Variants in RPS6KC1 observed in about 807,000 individuals in gnomAD.
RPS6KC1 encodes the protein ribosomal protein S6 kinase C1.
In RPS6KC1, 54 loss-of-function variants were observed where a neutral mutation model predicts 103.8. The observed-to-expected ratio is 0.52, with a 90% confidence interval of 0.42 to 0.65. The LOEUF is 0.65. Among genes scored for constraint, RPS6KC1 ranks in the 30% least tolerant of loss-of-function variants. The probability of loss-of-function intolerance (pLI) is 0.00; values close to 1 mark genes in which losing one functional copy is unlikely to be tolerated. For missense variants in RPS6KC1, 1,151 were observed against 1,253.8 expected (o/e 0.92, Z 1.24); for synonymous variants, 439 against 438.7 (o/e 1.00, Z -0.01).
At chr1:213,334,648 G>C in the RPS6KC1 span, among the ~76,000 whole-genome samples, 1 of 152,164 alleles carries the variant, frequency 6.6e-6, no homozygotes, top group Admixed American at 6.5e-5. Context: ...CACATTGCAA[G>C]GGCTCCTCCC....
At chr1:213,670,241 C>T in the RPS6KC1 span, among the ~76,000 whole-genome samples, 2 of 152,152 alleles carry the variant, frequency 1.3e-5, no homozygotes, top group Admixed American at 1.3e-4. Context: ...ACAGTGGATG[C>T]TGTCCTCAGC....
chr1:213,513,589 C>A, the RPS6KC1 span, among the ~76,000 whole-genome samples: 2 of 152,196 alleles, frequency 1.3e-5, no homozygotes, highest in Non-Finnish European at 2.9e-5. Flanking sequence ...TAACCCCATT[C>A]TCAGGGATTG....
chr1:213,510,639 T>G, the RPS6KC1 span, among the ~76,000 whole-genome samples: 2 of 152,198 alleles, frequency 1.3e-5, no homozygotes, highest in Non-Finnish European at 2.9e-5. Flanking sequence ...TCTAGTTTGA[T>G]CCTGCACTCA....
At chr1:213,290,175 A>G in the RPS6KC1 span, among the ~76,000 whole-genome samples, 1 of 150,842 alleles carries the variant, frequency 6.6e-6, no homozygotes, top group African/African-American at 2.4e-5. Flanking sequence ...AAAAGAATCA[A>G]TCGGTCATGC....
the RPS6KC1 span, among the ~76,000 whole-genome samples, chr1:213,816,586 G>A: frequency 7.0e-4 from 107 of 152,064 alleles, no homozygotes; most frequent in African/African-American, 2.5e-3. Context: ...GCCGCTCGTG[G>A]GTAGATCTGT....
chr1:213,513,269 G>A, the RPS6KC1 span, among the ~76,000 whole-genome samples: 60 of 152,264 alleles, frequency 3.9e-4, no homozygotes, highest in African/African-American at 1.4e-3. Flanking sequence ...CTCCAGAAAG[G>A]AACTCAGCCC....
chr1:213,718,309 G>A, the RPS6KC1 span, among the ~76,000 whole-genome samples: 7 of 152,184 alleles, frequency 4.6e-5, no homozygotes, highest in African/African-American at 1.2e-4. Flanking sequence ...GCTGGGGCTC[G>A]CCCACCTCTT....
rs74140568 is a variant in RPS6KC1, at chr1:213,156,647, G to A, written c.836-11211G>A. On this transcript the variant is annotated intron_variant, in intron 6 of 14. Coordinates refer to ENST00000366960, the MANE Select transcript of RPS6KC1 (RefSeq NM_012424.6). The stretch of plus-strand genomic sequence containing the variant: ...AAAGATATGAATGTCATCAGATTTC[G>A]TGTTGAAAACAATGTAAGAGAGATG... Among the ~76,000 whole-genome samples, 395 of 152,238 alleles carry A rather than the reference G, an allele frequency of 2.6e-3. 3 individuals carry two copies. The highest frequency in any genetic ancestry group is 8.7e-3 in the African/African-American group (363 of 41,556).
chr1:213,266,886 A>G (rs1355474137), intron 14 of RPS6KC1, among the ~76,000 whole-genome samples: 1 of 150,120 alleles, frequency 6.7e-6, no homozygotes, highest in Non-Finnish European at 1.5e-5. Flanking sequence ...CTGGGCAACA[A>G]TATTGAGGCT....
chr1:213,550,670 C>T, the RPS6KC1 span, among the ~76,000 whole-genome samples: 2 of 152,182 alleles, frequency 1.3e-5, no homozygotes, highest in African/African-American at 4.8e-5. Flanking sequence ...TTTTGGACAG[C>T]TCGATTTGTT....
At chr1:213,645,695 T>A in the RPS6KC1 span, among the ~76,000 whole-genome samples, 2 of 152,184 alleles carry the variant, frequency 1.3e-5, no homozygotes, top group Non-Finnish European at 2.9e-5. Context: ...CTTAAAGGCT[T>A]TGATGCAAAG....
chr1:213,587,750 CA>C, the RPS6KC1 span, among the ~76,000 whole-genome samples: 2 of 152,248 alleles, frequency 1.3e-5, no homozygotes, highest in South Asian at 2.1e-4. Context: ...TGACCATTTG[CA>C]CGGGATTCGA....
chr1:213,334,028 C>A, the RPS6KC1 span, among the ~76,000 whole-genome samples: 86 of 152,250 alleles, frequency 5.6e-4, 1 homozygote, highest in Admixed American at 2.0e-3. Flanking sequence ...CAGTGGAGAA[C>A]TTCAAGAATG....
chr1:213,345,633 G>A, the RPS6KC1 span, among the ~76,000 whole-genome samples: 3 of 152,190 alleles, frequency 2.0e-5, no homozygotes, highest in Non-Finnish European at 4.4e-5. Context: ...AACTTCTAGG[G>A]AATTGTCTTT....
chr1:213,457,823 C>G, the RPS6KC1 span, among the ~76,000 whole-genome samples: 14 of 152,176 alleles, frequency 9.2e-5, no homozygotes, highest in Admixed American at 9.2e-4. Context: ...AAGACACAGT[C>G]TGAGACCCAT....
At chr1:213,243,284 A>T (rs1018926440) in intron 12 of RPS6KC1, among the ~76,000 whole-genome samples, 6 of 36,082 alleles carry the variant, frequency 1.7e-4, no homozygotes, top group Non-Finnish European at 3.7e-4. Flanking sequence ...TAATTAAAAA[A>T]ATTTTTTTTT....
intron 1 of RPS6KC1, among the ~76,000 whole-genome samples, chr1:213,055,835 T>A (rs1489802692): frequency 6.6e-6 from 1 of 152,224 alleles, no homozygotes; most frequent in Non-Finnish European, 1.5e-5. Flanking sequence ...ATCTCCTCAT[T>A]TATTTAGCTC....
chr1:213,575,247 A>C, the RPS6KC1 span, among the ~76,000 whole-genome samples: 1 of 152,188 alleles, frequency 6.6e-6, no homozygotes, highest in Admixed American at 6.5e-5. Context: ...TGCCTGGCAC[A>C]TGGCACTTGC....
the RPS6KC1 span, among the ~76,000 whole-genome samples, chr1:213,839,398 G>A: frequency 6.6e-6 from 1 of 152,160 alleles, no homozygotes; most frequent in East Asian, 1.9e-4. Context: ...CAAACACTCC[G>A]ATGAGTTTCC....
Sources: allele counts gnomAD v4.1 joint callset (sites outside exome capture counted in the v4.1 genomes callset), GRCh38; gene constraint gnomAD v4.1.1; transcripts MANE v1.5; gene names NCBI Gene and HGNC (gene_info 2026-07-23, HGNC 2026-07-21).